COMMD5: variants seen among roughly 807,000 people sequenced by gnomAD.
COMMD5 encodes COMM domain-containing protein 5.
Under a neutral mutation model 6.9 loss-of-function variants are expected in COMMD5, and 10 were observed. The observed-to-expected ratio is 1.44, with a 90% CI of 0.89 to 2.45. The LOEUF (loss-of-function observed/expected upper bound fraction) is 2.45, where lower values mean the gene tolerates loss of function less well. Ranked by LOEUF, COMMD5 falls within the 30% of genes most tolerant of loss-of-function variation. COMMD5 has a pLI of 0.00. For missense variants in COMMD5, 234 were observed against 287.8 expected (o/e 0.81, Z 1.35); for synonymous variants, 127 against 125.3 (o/e 1.01, Z -0.09).
Position 144,850,745 on chromosome 8 carries a change from C to T in COMMD5, c.594G>A (p.Gln198=), listed in dbSNP as rs535265785. ...CCAGGGCCACGCTGTACCGCAGCTCCTGGAACTTGGCTGTGGGGACCTCAA... is the reference window on the plus strand; with the variant it reads ...CCAGGGCCACGCTGTACCGCAGCTCTTGGAACTTGGCTGTGGGGACCTCAA... ...YRFEVPTAKF[Q]ELRYSVALVL... Residue 198 remains glutamine, a synonymous_variant, in exon 2 of 2, where the codon CAG becomes CAA. Transcript: ENST00000305103. The surrounding 1 kb of genome is among the most constrained non-coding windows in gnomAD (Gnocchi z 4.0). The T allele has an allele frequency of 2.4e-5, 38 of 1,614,206 alleles. No individual in the cohort carries two copies. In the African/African-American group the frequency reaches 3.9e-4, roughly 16 times the overall value.
chr8:144,847,488 ATAAAT>A (rs1586857805), downstream of COMMD5: 2 of 152,230 alleles, frequency 1.3e-5, no homozygotes, highest in East Asian at 1.9e-4. Flanking sequence ...TTTGGAGACA[ATAAAT>A]TAAATCTATA....
At chr8:144,841,100 T>G (rs1829844939) in exon 2 of COMMD5, 2 of 474,740 alleles carry the variant, frequency 4.2e-6, no homozygotes, top group East Asian at 7.3e-5. Context: ...AGGATGGACC[T>G]CTCTGCTCAC....
At position 144,851,264 on chromosome 8, in the gene COMMD5, C is replaced by G. The variant is rs762276366; in HGVS notation, c.75G>C (p.Leu25Phe). 4 of 1,613,916 alleles carry G rather than the reference C, an allele frequency of 2.5e-6. No individual in the cohort carries two copies. In the African/African-American group the frequency reaches 5.3e-5, roughly 22 times the overall value. Residue 25 changes from leucine to phenylalanine, a missense_variant, in exon 2 of 2, where the codon TTG becomes TTC. Leu to Phe is a conservative substitution (Grantham distance 22). Transcript: ENST00000305103. ...CCACCTCTGGAGGAAGCTGGGCCCC[C>G]AAGAAACTCACTCGGCCACTGTGAC... Reference protein sequence around the residue: ...GDSHSGRVSFLGAQLPPEVAA... With the variant: ...GDSHSGRVSFFGAQLPPEVAA...
At position 144,850,834 on chromosome 8, in the gene COMMD5, C is replaced by CCAGGTT. The variant is rs1457033561; in HGVS notation, c.504_505insAACCTG (p.Leu168_Ala169insAsnLeu). On this transcript the variant is annotated inframe_insertion, in exon 2 of 2. Transcript: ENST00000305103. The surrounding 1 kb of genome is among the most constrained non-coding windows in gnomAD (Gnocchi z 4.0). ...AGGACGCTCGGCTGCAGGGAGCGAG[C>CCAGGTT]CAGGGCACTGGTGGAGATTGCTACA... is the stretch of plus-strand genomic sequence containing the variant. 29 of 1,613,742 alleles carry CCAGGTT rather than the reference C, an allele frequency of 1.8e-5. No homozygotes were observed. Among genetic ancestry groups the CCAGGTT allele is most frequent in the Non-Finnish European group, 2.1e-5 (25 of 1,180,040 alleles).
chr8:144,840,335 C>T (rs1259118263), downstream of COMMD5, among the ~76,000 whole-genome samples: 1 of 152,210 alleles, frequency 6.6e-6, no homozygotes, highest in African/African-American at 2.4e-5. Flanking sequence ...TTGGAGATCC[C>T]TGGAAGCCGG....
chr8:144,853,342 C>T (rs1830840338), upstream of COMMD5: 1 of 152,224 alleles, frequency 6.6e-6, no homozygotes, highest in African/African-American at 2.4e-5. Flanking sequence ...GAGAACGCGT[C>T]CCGTGGTCTG....
At position 144,850,730 on chromosome 8, in the gene COMMD5, G is replaced by A. The variant is rs779044665; in HGVS notation, c.609C>T (p.Ser203=). 16 of 1,614,040 alleles carry A rather than the reference G, an allele frequency of 9.9e-6. No homozygotes were observed. Among genetic ancestry groups the A allele is most frequent in the African/African-American group, 2.7e-5 (2 of 74,930 alleles). The change falls in exon 2 of 2, where the codon AGC becomes AGT. Residue 203 remains serine (S), a synonymous_variant. Transcript: ENST00000305103. The surrounding 1 kb of genome is among the most constrained non-coding windows in gnomAD (Gnocchi z 4.0). ...PTAKFQELRY[S]VALVLKEMAD... The stretch of plus-strand genomic sequence containing the variant: ...CCATCTCCTTTAGGACCAGGGCCAC[G>A]CTGTACCGCAGCTCCTGGAACTTGG...
In COMMD5 at chr8:144,852,970, G is replaced by C. The variant is rs1174887674; in HGVS notation, c.-189C>G. 6.6e-6 allele frequency: 1 copy of C among 152,474 alleles called. No individual in the cohort carries two copies. The highest frequency in any genetic ancestry group is 1.5e-5 in the Non-Finnish European group (1 of 68,208). 9.4% of individuals were successfully genotyped at this position (152,474 alleles called of 1,614,324 possible). A position where few individuals can be genotyped will look rare whatever the true frequency, so the allele number is the denominator to read the frequency against. On this transcript the variant is annotated 5_prime_UTR_variant, in exon 1 of 2. Coordinates refer to ENST00000305103, the MANE Select transcript of COMMD5 (RefSeq NM_014066.4). Reference sequence around the variant, plus strand: ...CCATCCTACTCCACCCCACGCTCCCGCTGTCCGAGTCGCCCCCAGCACCTG... The same window carrying C: ...CCATCCTACTCCACCCCACGCTCCCCCTGTCCGAGTCGCCCCCAGCACCTG...
At chr8:144,845,370 C>G (rs1830454882), downstream of COMMD5, among the ~76,000 whole-genome samples, 1 of 151,940 alleles carries the variant, frequency 6.6e-6, no homozygotes, top group South Asian at 2.1e-4. Context: ...GCTGGGGGGC[C>G]ATTACCTCAC....
chr8:144,842,335 G>A, intron 1 of COMMD5: 4 of 1,614,008 alleles, frequency 2.5e-6, no homozygotes, highest in Non-Finnish European at 3.4e-6. Flanking sequence ...TCACGCTGTA[G>A]AGAAACCATT....
downstream of COMMD5, among the ~76,000 whole-genome samples, chr8:144,839,898 G>A (rs1323400082): frequency 1.3e-5 from 2 of 152,190 alleles, no homozygotes; most frequent in Non-Finnish European, 2.9e-5. Context: ...CCCCAACAAA[G>A]CCTTGCTGTC....
chr8:144,843,695 G>C (rs1181339424), intron 1 of COMMD5: 1 of 152,218 alleles, frequency 6.6e-6, no homozygotes, highest in African/African-American at 2.4e-5. Flanking sequence ...TCAAAATCAG[G>C]GTGCAGTCTG....
intron 1 of COMMD5, chr8:144,852,284 G>C (rs1204508104): frequency 6.6e-6 from 1 of 152,314 alleles, no homozygotes; most frequent in Non-Finnish European, 1.5e-5. Flanking sequence ...AGAAGTCCCA[G>C]CTGTTTCCAC....
exon 2 of COMMD5, chr8:144,841,337 T>C: frequency 1.3e-6 from 2 of 1,588,252 alleles, no homozygotes; most frequent in Non-Finnish European, 1.7e-6. Context: ...GGAACGTCTT[T>C]GTTCCTGTTT....
At chr8:144,846,175 C>G (rs1219901449), downstream of COMMD5, 4 of 1,535,910 alleles carry the variant, frequency 2.6e-6, no homozygotes, top group East Asian at 9.8e-5. Context: ...TATGGATGGT[C>G]TGAAAATTCC....
intron 1 of COMMD5, chr8:144,852,447 C>T (rs796242703): frequency 2.0e-5 from 3 of 152,534 alleles, no homozygotes; most frequent in African/African-American, 7.2e-5. Context: ...CACCTCAGCA[C>T]ACCAGGTACT....
rs1414632047 is a variant in COMMD5, at chr8:144,850,556, C to G, written c.*108G>C. ...TACGTTCAAACACTCACTGAAGAGC[C>G]TGCCTCATGGGAAGGGCAGGGCTGT... On this transcript the variant is annotated 3_prime_UTR_variant, in exon 2 of 2. Transcript: ENST00000305103. This position sits in a 1 kb window ranked among gnomAD's most constrained non-coding sequence, Gnocchi z 4.0. 12 of 1,178,970 alleles carry G rather than the reference C, an allele frequency of 1.0e-5. No individual in the cohort carries two copies. The highest frequency in any genetic ancestry group is 1.5e-5 in the African/African-American group (1 of 64,748). The allele number at this position is 1,178,970 out of a possible 1,614,324, so 73.0% of individuals were successfully genotyped here. A position where few individuals can be genotyped will look rare whatever the true frequency, so the allele number is the denominator to read the frequency against.
At chr8:144,846,182 T>C (rs1485966695), downstream of COMMD5, 2 of 1,535,970 alleles carry the variant, frequency 1.3e-6, no homozygotes, top group South Asian at 2.4e-5. Flanking sequence ...GGTCTGAAAA[T>C]TCCAGATTCT....
intron 1 of COMMD5, chr8:144,841,967 T>G: frequency 6.2e-7 from 1 of 1,614,168 alleles, no homozygotes; most frequent in South Asian, 1.1e-5. Context: ...GGAAAAGCCT[T>G]CCGCCTGAGC....
Sources: allele counts gnomAD v4.1 joint callset (sites outside exome capture counted in the v4.1 genomes callset), GRCh38; gene constraint gnomAD v4.1.1; non-coding constraint Gnocchi (gnomAD v3.1); transcripts MANE v1.5; gene names NCBI Gene and HGNC (gene_info 2026-07-23, HGNC 2026-07-21).